ZNF385D: variants seen among roughly 807,000 people sequenced by gnomAD.
ZNF385D encodes the protein zinc finger protein 659.
A neutral mutation model predicts 35.8 loss-of-function variants in ZNF385D; 15 were observed. The observed-to-expected ratio is 0.42, with a 90% confidence interval of 0.28 to 0.64. The LOEUF (loss-of-function observed/expected upper bound fraction) is 0.64. Ranked by LOEUF, ZNF385D falls within the 30% of genes least tolerant of loss-of-function variation. ZNF385D has a pLI of 0.23. For missense variants in ZNF385D, 474 were observed against 494.6 expected, an observed-to-expected ratio of 0.96 and a Z score of 0.39; for synonymous variants, 212 against 186.8, an observed-to-expected ratio of 1.13 and a Z score of -1.10.
intron 2 of ZNF385D, among the ~76,000 whole-genome samples, chr3:22,181,363 C>A (rs1321598776): frequency 6.6e-6 from 1 of 152,090 alleles, no homozygotes; most frequent in Non-Finnish European, 1.5e-5. Context: ...AGTCCACTCT[C>A]CTGGAGGGTA....
At chr3:22,062,901 G>T (rs1470582871) in intron 3 of ZNF385D, among the ~76,000 whole-genome samples, 1 of 152,144 alleles carries the variant, frequency 6.6e-6, no homozygotes, top group African/African-American at 2.4e-5. Flanking sequence ...GTATCCTTCA[G>T]CCCTAGTTAG....
At chr3:21,714,596 T>G (rs73046237) in intron 1 of ZNF385D, among the ~76,000 whole-genome samples, 2,037 of 152,338 alleles carry the variant, frequency 0.013, 24 homozygotes, top group Middle Eastern at 0.044. Flanking sequence ...CCTCTCTTTC[T>G]CGTTTGCATC....
intron 1 of ZNF385D, among the ~76,000 whole-genome samples, chr3:21,715,478 T>C (rs1235655681): frequency 1.3e-5 from 2 of 152,160 alleles, no homozygotes; most frequent in Admixed American, 6.5e-5. Context: ...GTATACCACA[T>C]TTTCTAAATC....
At chr3:21,958,701 A>G (rs1371887337) in intron 3 of ZNF385D, 4 of 152,218 alleles carry the variant, frequency 2.6e-5, no homozygotes, top group Non-Finnish European at 2.9e-5. Flanking sequence ...ATTACTGCAG[A>G]AAGCTTCACA....
intron 2 of ZNF385D, among the ~76,000 whole-genome samples, chr3:21,650,030 A>G (rs2065865805): frequency 6.6e-6 from 1 of 152,044 alleles, no homozygotes; most frequent in Admixed American, 6.5e-5. Context: ...TAGAAATGGA[A>G]ACAAACAGTG....
intron 2 of ZNF385D, among the ~76,000 whole-genome samples, chr3:21,663,429 G>T (rs1190293083): frequency 6.6e-6 from 1 of 152,054 alleles, no homozygotes; most frequent in Non-Finnish European, 1.5e-5. Context: ...GGGATGCCAA[G>T]TGGTCTCAGA....
intron 3 of ZNF385D, among the ~76,000 whole-genome samples, chr3:21,892,323 T>C (rs1301273504): frequency 6.6e-6 from 1 of 152,170 alleles, no homozygotes; most frequent in East Asian, 1.9e-4. Context: ...CACAGAAACC[T>C]AGAAGGAGAA....
intron 3 of ZNF385D, among the ~76,000 whole-genome samples, chr3:22,160,605 T>C (rs926854300): frequency 1.3e-5 from 2 of 152,110 alleles, no homozygotes; most frequent in Non-Finnish European, 2.9e-5. Flanking sequence ...AAATTAAAAT[T>C]CTATTTAGCT....
At chr3:22,206,140 C>G (rs1697136213) in intron 2 of ZNF385D, among the ~76,000 whole-genome samples, 1 of 151,858 alleles carries the variant, frequency 6.6e-6, no homozygotes, top group African/African-American at 2.4e-5. Context: ...ATACTTACAT[C>G]AGACAAAATA....
intron 3 of ZNF385D, among the ~76,000 whole-genome samples, chr3:21,962,845 A>G (rs1702672872): frequency 6.6e-6 from 1 of 152,202 alleles, no homozygotes; most frequent in African/African-American, 2.4e-5. Flanking sequence ...GTTTCATTAA[A>G]CAAAGTTAAA....
intron 2 of ZNF385D, among the ~76,000 whole-genome samples, chr3:22,179,834 G>A (rs1248361544): frequency 6.6e-6 from 1 of 152,064 alleles, no homozygotes; most frequent in South Asian, 2.1e-4. Context: ...AGAGAAAGCA[G>A]GAAAGATCCA....
At chr3:22,369,287 T>C (rs1003299999) in intron 2 of ZNF385D, among the ~76,000 whole-genome samples, 2 of 152,138 alleles carry the variant, frequency 1.3e-5, no homozygotes, top group African/African-American at 4.8e-5. Flanking sequence ...TGTTTGAATA[T>C]GAAACAAACA....
chr3:21,969,269 C>T (rs1193482489), intron 3 of ZNF385D, among the ~76,000 whole-genome samples: 2 of 152,100 alleles, frequency 1.3e-5, no homozygotes, highest in Non-Finnish European at 2.9e-5. Flanking sequence ...TCTTGACTTG[C>T]ATAATCCCCA....
chr3:22,070,717 C>G (rs1241142309), intron 3 of ZNF385D, among the ~76,000 whole-genome samples: 1 of 151,954 alleles, frequency 6.6e-6, no homozygotes, highest in South Asian at 2.1e-4. Flanking sequence ...AATGTTGAAG[C>G]TTTATTAAGG....
intron 2 of ZNF385D, among the ~76,000 whole-genome samples, chr3:22,279,115 T>C (rs2125375767): frequency 6.6e-6 from 1 of 152,208 alleles, no homozygotes; most frequent in East Asian, 1.9e-4. Flanking sequence ...TCCTTTTTTG[T>C]TTTATTTCAA....
At chr3:21,582,543 G>A (rs1014631097) in intron 2 of ZNF385D, among the ~76,000 whole-genome samples, 1 of 152,028 alleles carries the variant, frequency 6.6e-6, no homozygotes, top group Non-Finnish European at 1.5e-5. Context: ...AGTGGACTAA[G>A]TCAGAAGCTT....
At chr3:22,146,695 T>C (rs1440187729) in intron 3 of ZNF385D, among the ~76,000 whole-genome samples, 1 of 152,176 alleles carries the variant, frequency 6.6e-6, no homozygotes, top group Non-Finnish European at 1.5e-5. Flanking sequence ...TGATTTTACC[T>C]AGAAATATTG....
At chr3:22,201,524 G>T (rs1559448528) in intron 2 of ZNF385D, among the ~76,000 whole-genome samples, 2 of 151,796 alleles carry the variant, frequency 1.3e-5, no homozygotes, top group African/African-American at 4.8e-5. Flanking sequence ...AATAGATACA[G>T]AAAAAAAGAA....
rs566653339 is a variant in ZNF385D at position 22,238,454 on chromosome 3, C to T, written c.107-69419G>A. Reference sequence around the variant, plus strand: ...TTTTCAGTCTACAAATATGAAATGCCGTTCCACTTACTTAGGATTTTTTTC... The same window carrying T: ...TTTTCAGTCTACAAATATGAAATGCTGTTCCACTTACTTAGGATTTTTTTC... On this transcript the variant is annotated intron_variant, in intron 2 of 5. Transcript: ENST00000494108. Among the ~76,000 whole-genome samples the T allele has an allele frequency of 3.7e-4, 56 of 150,334 alleles. 2 individuals carry two copies. The highest frequency in any genetic ancestry group is 1.3e-3 in the African/African-American group (53 of 40,602).
Sources: gnomAD v4.1 joint callset for allele counts (sites outside exome capture counted in the v4.1 genomes callset) on GRCh38, gnomAD v4.1.1 for gene constraint, MANE v1.5 for transcripts, NCBI Gene and HGNC (gene_info 2026-07-23, HGNC 2026-07-21) for gene names.